The following KCNK1 variants were observed in gnomAD, a reference collection of about 807,000 sequenced individuals.
KCNK1 encodes potassium two pore domain channel subfamily K member 1, also known as potassium channel subfamily K member 1.
In KCNK1, 10 loss-of-function variants were observed where a neutral mutation model predicts 22.2. That is an observed-to-expected ratio of 0.45 (90% confidence interval 0.28 to 0.76). The LOEUF is 0.76. Ranked by LOEUF, KCNK1 falls within the 30% of genes least tolerant of loss-of-function variation. The pLI is 0.14. For synonymous variants in KCNK1, 200 were observed against 186.4 expected (o/e 1.07, Z -0.60); for missense variants, 378 against 421.0 (o/e 0.90, Z 0.89).
At chr1:233,638,257 A>T (rs1657937888) in intron 1 of KCNK1, among the ~76,000 whole-genome samples, 2 of 152,218 alleles carry the variant, frequency 1.3e-5, no homozygotes, top group South Asian at 4.2e-4. Context: ...GCCCACCTGA[A>T]GCTCTTTCCT....
intron 2 of KCNK1, among the ~76,000 whole-genome samples, chr1:233,667,708 C>T (rs572114128): frequency 1.8e-5 from 2 of 108,724 alleles, no homozygotes; most frequent in African/African-American, 3.5e-5. Context: ...CCAGCCTGGG[C>T]GACAGAGCGA....
intron 1 of KCNK1, among the ~76,000 whole-genome samples, chr1:233,627,190 A>G (rs1013072136): frequency 6.6e-6 from 1 of 152,230 alleles, no homozygotes; most frequent in Non-Finnish European, 1.5e-5. Flanking sequence ...TCCCATGAGT[A>G]TAACAGGGCT....
intron 1 of KCNK1, among the ~76,000 whole-genome samples, chr1:233,617,883 T>C (rs1657512091): frequency 6.6e-6 from 1 of 152,148 alleles, no homozygotes; most frequent in Non-Finnish European, 1.5e-5. Flanking sequence ...TGAGCTGTGA[T>C]TGAGCCACTG....
intron 1 of KCNK1, among the ~76,000 whole-genome samples, chr1:233,642,558 C>T (rs555773673): frequency 6.6e-6 from 1 of 152,156 alleles, no homozygotes; most frequent in South Asian, 2.1e-4. Context: ...CTGATGCAGG[C>T]GCAGGCAAGC....
chr1:233,639,405 G>A (rs992968385), intron 1 of KCNK1, among the ~76,000 whole-genome samples: 8 of 152,202 alleles, frequency 5.3e-5, no homozygotes, highest in Admixed American at 4.6e-4. Context: ...GTGAATATCA[G>A]AACCAAAGTG....
chr1:233,634,333 A>T (rs948246557), intron 1 of KCNK1, among the ~76,000 whole-genome samples: 1 of 144,428 alleles, frequency 6.9e-6, no homozygotes. Context: ...AAAAAAAAAA[A>T]GAAAAAGAAA....
At chr1:233,655,723 G>A (rs701232) in intron 1 of KCNK1, 74,006 of 152,622 alleles carry the variant, frequency 0.48, 18,056 homozygotes, top group Middle Eastern at 0.53. Context: ...ATTAGAGTGA[G>A]AAGTCTATGA....
intron 1 of KCNK1, among the ~76,000 whole-genome samples, chr1:233,615,052 C>T (rs1180810123): frequency 2.6e-5 from 4 of 152,196 alleles, no homozygotes; most frequent in Non-Finnish European, 5.9e-5. Flanking sequence ...GTGTGCCGTC[C>T]CTTTGGACCA....
chr1:233,650,723 A>C (rs553730218), intron 1 of KCNK1, among the ~76,000 whole-genome samples: 1 of 152,228 alleles, frequency 6.6e-6, no homozygotes, highest in South Asian at 2.1e-4. Context: ...AGCTAATAAG[A>C]AGCAGAACCA....
intron 2 of KCNK1, among the ~76,000 whole-genome samples, chr1:233,668,813 G>T (rs1658544259): frequency 6.6e-6 from 1 of 152,130 alleles, no homozygotes; most frequent in Non-Finnish European, 1.5e-5. Flanking sequence ...CACCATGTTG[G>T]CCAGGCTAGT....
intron 2 of KCNK1, among the ~76,000 whole-genome samples, chr1:233,668,757 C>G (rs1658543093): frequency 6.6e-6 from 1 of 152,128 alleles, no homozygotes; most frequent in African/African-American, 2.4e-5. Flanking sequence ...AGGCACCTGC[C>G]ACCACATCCG....
intron 1 of KCNK1, among the ~76,000 whole-genome samples, chr1:233,636,890 G>A (rs1396806000): frequency 2.0e-5 from 3 of 152,096 alleles, no homozygotes; most frequent in African/African-American, 7.2e-5. Flanking sequence ...AGGATCAAGA[G>A]ATGGTGTTTA....
intron 1 of KCNK1, among the ~76,000 whole-genome samples, chr1:233,618,384 G>T (rs77914838): frequency 5.5e-5 from 8 of 146,752 alleles, no homozygotes; most frequent in African/African-American, 1.7e-4. Flanking sequence ...TCTATACTGT[G>T]TTTTTTTTTT....
intron 2 of KCNK1, 67 bp downstream of exon 2, chr1:233,667,057 A>G (rs1020304779): frequency 3.3e-6 from 4 of 1,229,948 alleles, no homozygotes; most frequent in Admixed American, 3.1e-5. Context: ...TTATTTATTT[A>G]TTTTGAGCCC....
At chr1:233,619,878 C>A (rs957804073) in intron 1 of KCNK1, among the ~76,000 whole-genome samples, 66 of 141,484 alleles carry the variant, frequency 4.7e-4, no homozygotes, top group African/African-American at 1.7e-3. Flanking sequence ...CCACTGCACA[C>A]CAACCTGGGC....
chr1:233,615,397 C>T (rs1415551765), intron 1 of KCNK1, among the ~76,000 whole-genome samples: 1 of 152,222 alleles, frequency 6.6e-6, no homozygotes. Flanking sequence ...TGCCCCAGGG[C>T]TCGGTCACTG....
Position 233,671,348 on chromosome 1 carries a change from A to C in KCNK1, c.829A>C (p.Arg277=). 1 of 1,614,230 alleles carries C rather than the reference A, an allele frequency of 6.2e-7. No homozygotes were observed. The highest frequency in any genetic ancestry group is 8.5e-7 in the Non-Finnish European group (1 of 1,180,040). The stretch of plus-strand genomic sequence containing the variant: ...TGAACTCCATGAGCTGAAAAAATTC[A>C]GAAAAATGTTCTATGTGAAGAAGGA... ...FCELHELKKF[R]KMFYVKKDKD... Residue 277 remains arginine, a synonymous_variant, in exon 3 of 3, where the codon AGA becomes CGA. Coordinates refer to ENST00000366621, the MANE Select transcript of KCNK1 (RefSeq NM_002245.4).
At chr1:233,638,127 C>T (rs1657935289) in intron 1 of KCNK1, among the ~76,000 whole-genome samples, 1 of 151,840 alleles carries the variant, frequency 6.6e-6, no homozygotes, top group Non-Finnish European at 1.5e-5. Context: ...CCTTTGTTAG[C>T]TTATATGTCT....
At chr1:233,666,470 C>A (rs1658491405) in intron 1 of KCNK1, 125 bp from the exon 2 acceptor site, 3 of 865,196 alleles carry the variant, frequency 3.5e-6, no homozygotes, top group Admixed American at 5.8e-5. Context: ...AGTGGCAGAC[C>A]TGAAGTCTCG....
Sources: gnomAD v4.1 joint callset for allele counts (sites outside exome capture counted in the v4.1 genomes callset) on GRCh38, gnomAD v4.1.1 for gene constraint, MANE v1.5 for transcripts, NCBI Gene and HGNC (gene_info 2026-07-23, HGNC 2026-07-21) for gene names.